C8orf34: variants seen among roughly 807,000 people sequenced by gnomAD.
C8orf34 encodes uncharacterized protein C8orf34.
Under a neutral mutation model 68.3 loss-of-function variants are expected in C8orf34, and 65 were observed. The ratio of observed to expected loss-of-function variants is 0.95; its 90% confidence interval spans 0.78 to 1.17. The LOEUF (loss-of-function observed/expected upper bound fraction) is 1.17. C8orf34 is among the 50% of genes most tolerant of loss of function. C8orf34 has a pLI of 0.00. For missense variants in C8orf34, 664 were observed against 655.4 expected, an observed-to-expected ratio of 1.01 and a Z score of -0.14; for synonymous variants, 244 against 241.2, an observed-to-expected ratio of 1.01 and a Z score of -0.11.
intron 7 of C8orf34, among the ~76,000 whole-genome samples, chr8:68,610,821 A>T (rs1048062149): frequency 1.3e-5 from 2 of 150,398 alleles, no homozygotes; most frequent in Non-Finnish European, 3.0e-5. Context: ...TAGAAAAAAA[A>T]TTGGATTAAT....
At chr8:68,543,956 C>G in intron 7 of C8orf34, among the ~76,000 whole-genome samples, 1 of 152,048 alleles carries the variant, frequency 6.6e-6, no homozygotes. Context: ...GTGTTTCACC[C>G]CGGCTTTCCT....
At chr8:68,742,358 G>GA (rs1822319950) in intron 10 of C8orf34, among the ~76,000 whole-genome samples, 1 of 152,044 alleles carries the variant, frequency 6.6e-6, no homozygotes, top group African/African-American at 2.4e-5. Context: ...TACTTCTCAA[G>GA]AAAAAATAAA....
chr8:68,785,913 G>C (rs1376498925), intron 11 of C8orf34, among the ~76,000 whole-genome samples: 1 of 152,152 alleles, frequency 6.6e-6, no homozygotes, highest in Non-Finnish European at 1.5e-5. Context: ...TCCAGAATTT[G>C]ACATCAAAAT....
chr8:68,332,738 A>G (rs1331143947), intron 1 of C8orf34, among the ~76,000 whole-genome samples: 1 of 152,158 alleles, frequency 6.6e-6, no homozygotes. Flanking sequence ...CTTAGACGAT[A>G]AGACCATTGT....
chr8:68,733,142 T>A (rs1822031619), intron 10 of C8orf34, among the ~76,000 whole-genome samples: 1 of 152,226 alleles, frequency 6.6e-6, no homozygotes, highest in Admixed American at 6.5e-5. Context: ...GAACTTTTTC[T>A]TTTCATCTTA....
intron 1 of C8orf34, among the ~76,000 whole-genome samples, chr8:68,379,696 ACAAAAAG>A (rs1554535437): frequency 1.3e-5 from 2 of 152,222 alleles, no homozygotes; most frequent in Non-Finnish European, 2.9e-5. Context: ...GCAAACGTGT[ACAAAAAG>A]CTCAAATAAA....
At chr8:68,505,717 G>A (rs1264958726) in intron 5 of C8orf34, among the ~76,000 whole-genome samples, 1 of 138,644 alleles carries the variant, frequency 7.2e-6, no homozygotes, top group Non-Finnish European at 1.5e-5. Context: ...CGGCCTGGGC[G>A]ACAGAGCGAG....
In C8orf34 at chr8:68,660,491, C is replaced by A. The variant is rs576271285; in HGVS notation, c.1241+19980C>A. On this transcript the variant is annotated intron_variant, in intron 8 of 13. Transcript: ENST00000518698. The stretch of plus-strand genomic sequence containing the variant: ...CCCACACACTGTCTTTCCCCTGCTG[C>A]TCGTAACCTTTGAGTTCCTTAGACC... 5.3e-5 allele frequency among the ~76,000 whole-genome samples: 8 copies of A among 152,316 alleles called. No individual in the cohort carries two copies. In the East Asian group the frequency reaches 1.5e-3, roughly 29 times the overall value.
In C8orf34 at chr8:68,394,070, G is replaced by T. The variant is rs145076279; in HGVS notation, c.328-45429G>T. ...GAATAATGCCACAGGCAGCAAAATT[G>T]AGTGGGTAGGCATGCCATTTTTTTT... On this transcript the variant is annotated intron_variant, in intron 1 of 13. Coordinates refer to ENST00000518698, the MANE Select transcript of C8orf34 (RefSeq NM_052958.4). Among the ~76,000 whole-genome samples the T allele has an allele frequency of 5.6e-3, 823 of 147,314 alleles. 6 individuals are homozygous for T. The highest frequency in any genetic ancestry group is 0.018 in the African/African-American group (728 of 40,332).
At chr8:68,419,455 T>C (rs1381920615) in intron 1 of C8orf34, among the ~76,000 whole-genome samples, 1 of 151,192 alleles carries the variant, frequency 6.6e-6, no homozygotes, top group Non-Finnish European at 1.5e-5. Flanking sequence ...AAATACCATT[T>C]GACCCAGCCA....
At chr8:68,774,329 G>GTATATATATATATA (rs1237765866) in intron 10 of C8orf34, among the ~76,000 whole-genome samples, 60 of 126,930 alleles carry the variant, frequency 4.7e-4, no homozygotes, top group Middle Eastern at 4.3e-3. Flanking sequence ...ATGGGTGTGT[G>GTATATATATATATA]TGTATATATA....
At chr8:68,649,972 C>A (rs1172892702) in intron 8 of C8orf34, among the ~76,000 whole-genome samples, 1 of 151,126 alleles carries the variant, frequency 6.6e-6, no homozygotes, top group African/African-American at 2.4e-5. Context: ...GAAAAAAAGT[C>A]TATTTCAAGA....
chr8:68,365,604 A>G (rs1807212874), intron 1 of C8orf34, among the ~76,000 whole-genome samples: 1 of 69,686 alleles, frequency 1.4e-5, no homozygotes, highest in Non-Finnish European at 2.5e-5. Context: ...ACGCAAATCA[A>G]TAAATGTAAT....
chr8:68,404,974 C>G (rs1267033862), intron 1 of C8orf34, among the ~76,000 whole-genome samples: 1 of 152,108 alleles, frequency 6.6e-6, no homozygotes. Context: ...GCCATTTTCA[C>G]AATATAGATT....
At chr8:68,450,882 G>GTT (rs1811313610) in intron 3 of C8orf34, among the ~76,000 whole-genome samples, 1 of 152,098 alleles carries the variant, frequency 6.6e-6, no homozygotes. Flanking sequence ...TGATAAGAGA[G>GTT]TCAGCCTATC....
chr8:68,457,702 G>T (rs1004400662), intron 3 of C8orf34, among the ~76,000 whole-genome samples: 3 of 152,094 alleles, frequency 2.0e-5, no homozygotes, highest in Non-Finnish European at 4.4e-5. Context: ...CTGAGGAAAA[G>T]CTATTTGCAA....
chr8:68,718,370 G>C (rs1193922111), intron 9 of C8orf34, among the ~76,000 whole-genome samples: 1 of 151,946 alleles, frequency 6.6e-6, no homozygotes, highest in Non-Finnish European at 1.5e-5. Flanking sequence ...CATAATTACT[G>C]AGTATTATAA....
chr8:68,442,636 AC>A (rs1810959294), intron 2 of C8orf34, among the ~76,000 whole-genome samples: 2 of 152,186 alleles, frequency 1.3e-5, no homozygotes, highest in East Asian at 1.9e-4. Flanking sequence ...ATAGAAGGAT[AC>A]AAGCTGTGCT....
chr8:68,470,370 T>G (rs1025514454), intron 4 of C8orf34, among the ~76,000 whole-genome samples: 12 of 152,132 alleles, frequency 7.9e-5, no homozygotes, highest in Non-Finnish European at 1.6e-4. Flanking sequence ...GTCAATCAAC[T>G]TTTGTCCTTT....
Sources: allele counts gnomAD v4.1 joint callset (sites outside exome capture counted in the v4.1 genomes callset), GRCh38; gene constraint gnomAD v4.1.1; transcripts MANE v1.5; gene names NCBI Gene and HGNC (gene_info 2026-07-23, HGNC 2026-07-21).